Variants in NELL2 observed in about 807,000 individuals in gnomAD.
The protein encoded by NELL2 is neural EGFL like 2.
Under a neutral mutation model 109.6 loss-of-function variants are expected in NELL2, and 41 were observed. That is an observed-to-expected ratio of 0.37 (90% confidence interval 0.29 to 0.49). The LOEUF is 0.49. NELL2 is among the 20% of genes least tolerant of loss of function. The probability of loss-of-function intolerance (pLI) is 0.98; values close to 1 mark genes in which losing one functional copy is unlikely to be tolerated. For synonymous variants in NELL2, 355 were observed against 344.7 expected, an observed-to-expected ratio of 1.03 and a Z score of -0.33; for missense variants, 900 against 1,008.3, an observed-to-expected ratio of 0.89 and a Z score of 1.45.
chr12:44,912,094 G>T (rs1418881235), intron 1 of NELL2, among the ~76,000 whole-genome samples: 1 of 151,832 alleles, frequency 6.6e-6, no homozygotes, highest in Admixed American at 6.6e-5. Context: ...ACTGAGAATG[G>T]AAAAGCCCAC....
intron 3 of NELL2, among the ~76,000 whole-genome samples, chr12:44,782,202 A>G (rs10748403): frequency 0.24 from 36,115 of 151,722 alleles, 4,587 homozygotes; most frequent in South Asian, 0.3. Context: ...GACTATACGA[A>G]CAATCAGTTA....
intron 13 of NELL2, among the ~76,000 whole-genome samples, chr12:44,644,828 C>A (rs1290821690): frequency 6.6e-6 from 1 of 151,164 alleles, no homozygotes; most frequent in African/African-American, 2.4e-5. Context: ...CACTGATGAA[C>A]AAAGCAGAAA....
At chr12:44,711,685 A>G (rs1938211546) in intron 10 of NELL2, among the ~76,000 whole-genome samples, 1 of 152,102 alleles carries the variant, frequency 6.6e-6, no homozygotes, top group Non-Finnish European at 1.5e-5. Context: ...CTAGTTTTAC[A>G]ACACATTTTG....
At chr12:44,564,152 A>G (rs1361006381) in intron 15 of NELL2, among the ~76,000 whole-genome samples, 1 of 152,220 alleles carries the variant, frequency 6.6e-6, no homozygotes, top group Non-Finnish European at 1.5e-5. Flanking sequence ...TACCAATTCA[A>G]ACTAAACATT....
chr12:44,709,608 T>G (rs970669875), intron 11 of NELL2, among the ~76,000 whole-genome samples: 13 of 152,134 alleles, frequency 8.5e-5, no homozygotes, highest in African/African-American at 2.7e-4. Context: ...CAATAGATAG[T>G]TTTTTTGCAG....
intron 16 of NELL2, among the ~76,000 whole-genome samples, chr12:44,525,921 G>C (rs1475895127): frequency 6.7e-6 from 1 of 149,928 alleles, no homozygotes; most frequent in African/African-American, 2.4e-5. Flanking sequence ...AGTAGGTAAA[G>C]AGTGGTCTAG....
rs76076620 is a variant in NELL2 at position 44,531,714 on chromosome 12, G to A, written c.1804+867C>T. On this transcript the variant is annotated intron_variant, in intron 16 of 19. Transcript: ENST00000429094. ...TTAGGTGTCAAGTATCTTTAGGTTA[G>A]ATTGTCAAAAGCTTTCATTGACTGT... 5.4e-4 allele frequency among the ~76,000 whole-genome samples: 83 copies of A among 152,308 alleles called. 1 individual carries two copies. The highest frequency in any genetic ancestry group is 4.3e-4 in the Non-Finnish European group (29 of 68,022).
At chr12:44,724,903 C>G (rs1420028812) in intron 9 of NELL2, among the ~76,000 whole-genome samples, 1 of 150,660 alleles carries the variant, frequency 6.6e-6, no homozygotes, top group African/African-American at 2.4e-5. Context: ...CAGCATGGTA[C>G]TGGTATAAAA....
At position 44,815,929 on chromosome 12, in the gene NELL2, T is replaced by C. The variant is rs896673651; in HGVS notation, c.335+57A>G. ...AAAGCTTTTGTTTACTTCTCTTTAA[T>C]ATATTCATTTAACCACATATAATGA... On this transcript the variant is annotated intron_variant, in intron 3 of 19. Coordinates refer to ENST00000429094, the MANE Select transcript of NELL2 (RefSeq NM_001145108.2). The C allele has an allele frequency of 6.5e-6, 10 of 1,540,924 alleles. No homozygotes were observed. The African/African-American group carries it at 9.9e-5, about 15-fold the overall frequency.
intron 2 of NELL2, among the ~76,000 whole-genome samples, chr12:44,865,906 G>T (rs192400716): frequency 6.6e-6 from 1 of 151,896 alleles, no homozygotes; most frequent in Admixed American, 6.6e-5. Context: ...TATTGCTATG[G>T]TTTAAGTGTA....
In NELL2 at chr12:44,821,913, AT is replaced by A. The variant is rs1313598237; in HGVS notation, c.185-5778del. Among the ~76,000 whole-genome samples the A allele has an allele frequency of 3.7e-4, 55 of 150,040 alleles. No homozygotes were observed. The East Asian group carries it at 1.0e-2, about 27-fold the overall frequency. On this transcript the variant is annotated intron_variant, in intron 2 of 19. Transcript: ENST00000429094. The stretch of plus-strand genomic sequence containing the variant: ...TATTTATTTATTTATTTATTTATTT[AT>A]TTATTTATTTATTTATTTTGGTATT...
intron 9 of NELL2, among the ~76,000 whole-genome samples, chr12:44,731,303 C>T (rs972191223): frequency 2.6e-5 from 4 of 152,066 alleles, no homozygotes; most frequent in African/African-American, 7.2e-5. Context: ...GAAAAGAGTA[C>T]TACAAGCCAG....
chr12:44,771,644 T>A (rs1362895316), intron 9 of NELL2, among the ~76,000 whole-genome samples: 4 of 152,230 alleles, frequency 2.6e-5, no homozygotes, highest in African/African-American at 9.6e-5. Context: ...ACTATTTTAA[T>A]GGTCCAGGCA....
At chr12:44,630,207 C>T (rs1946401706) in intron 13 of NELL2, among the ~76,000 whole-genome samples, 1 of 152,150 alleles carries the variant, frequency 6.6e-6, no homozygotes, top group Admixed American at 6.5e-5. Flanking sequence ...TTGTTGAGCA[C>T]TTACAATGTG....
At chr12:44,684,801 G>C (rs1376435530) in intron 12 of NELL2, among the ~76,000 whole-genome samples, 1 of 152,124 alleles carries the variant, frequency 6.6e-6, no homozygotes, top group Non-Finnish European at 1.5e-5. Flanking sequence ...TATAATTTCT[G>C]TTCTTTTACA....
chr12:44,624,682 T>G (rs906684942), intron 13 of NELL2, among the ~76,000 whole-genome samples: 1 of 151,936 alleles, frequency 6.6e-6, no homozygotes, highest in African/African-American at 2.4e-5. Flanking sequence ...AAAGGCAAAA[T>G]GAAAAGGATT....
chr12:44,764,768 G>C (rs1440211976), intron 9 of NELL2, among the ~76,000 whole-genome samples: 1 of 151,628 alleles, frequency 6.6e-6, no homozygotes, highest in African/African-American at 2.4e-5. Flanking sequence ...TTCACACTTA[G>C]AAAATACTTT....
intron 3 of NELL2, among the ~76,000 whole-genome samples, chr12:44,789,558 T>C (rs986953192): frequency 1.3e-5 from 2 of 151,566 alleles, no homozygotes; most frequent in Admixed American, 1.3e-4. Context: ...CATGAGAAAA[T>C]AGGGCTCTTT....
chr12:44,519,848 G>C lies in NELL2; in HGVS notation c.2400+157C>G, dbSNP rs1205443775. Among the ~76,000 whole-genome samples the C allele has an allele frequency of 4.0e-5, 5 of 126,120 alleles. No individual in the cohort carries two copies. In the South Asian group the frequency reaches 1.1e-3, roughly 27 times the overall value. The allele number at this position is 126,120 out of a possible 152,430, so 82.7% of individuals were successfully genotyped here. A position where few individuals can be genotyped will look rare whatever the true frequency, so the allele number is the denominator to read the frequency against. Reference sequence around the variant, plus strand: ...CAGATGGATGTCCATGACAGCCCTGGAACTAACAGCTGAGTGGCATTCCGC... The same window carrying C: ...CAGATGGATGTCCATGACAGCCCTGCAACTAACAGCTGAGTGGCATTCCGC... On this transcript the variant is annotated intron_variant, in intron 19 of 19. Transcript: ENST00000429094.
Sources: gnomAD v4.1 joint callset for allele counts (sites outside exome capture counted in the v4.1 genomes callset) on GRCh38, gnomAD v4.1.1 for gene constraint, MANE v1.5 for transcripts, NCBI Gene and HGNC (gene_info 2026-07-23, HGNC 2026-07-21) for gene names.